TENM2: variants seen among roughly 807,000 people sequenced by gnomAD.
TENM2 encodes the protein teneurin-2.
Under a neutral mutation model 245.2 loss-of-function variants are expected in TENM2, and 52 were observed. The observed-to-expected ratio is 0.21, with a 90% confidence interval of 0.17 to 0.27. The LOEUF is 0.27. Ranked by LOEUF, TENM2 falls within the 10% of genes least tolerant of loss-of-function variation. TENM2 has a pLI of 1.00. For missense variants in TENM2, 3,046 were observed against 3,666.8 expected (o/e 0.83, Z 4.37); for synonymous variants, 1,363 against 1,438.9 (o/e 0.95, Z 1.19).
chr5:167,683,247 G>GACTT (rs1756853433), intron 2 of TENM2, among the ~76,000 whole-genome samples: 1 of 117,780 alleles, frequency 8.5e-6, no homozygotes, highest in African/African-American at 4.3e-5. Flanking sequence ...GAAGGACCAT[G>GACTT]TCTTTTTTTT....
chr5:168,256,658 C>T (rs1041341117), intron 27 of TENM2, among the ~76,000 whole-genome samples: 4 of 152,038 alleles, frequency 2.6e-5, no homozygotes, highest in African/African-American at 9.7e-5. Flanking sequence ...CTCCTGACCG[C>T]AGGTGATCCA....
intron 12 of TENM2, among the ~76,000 whole-genome samples, chr5:168,155,421 ATTAAG>A (rs1757071913): frequency 6.6e-6 from 1 of 150,924 alleles, no homozygotes; most frequent in African/African-American, 2.4e-5. Context: ...GGGGTCCATA[ATTAAG>A]TTAATATTCA....
chr5:168,053,244 C>T (rs915395652), intron 6 of TENM2, among the ~76,000 whole-genome samples: 2 of 152,206 alleles, frequency 1.3e-5, no homozygotes, highest in African/African-American at 4.8e-5. Flanking sequence ...ATGGGTACTA[C>T]TTACATGCAC....
intron 4 of TENM2, among the ~76,000 whole-genome samples, chr5:167,982,610 A>G (rs557886832): frequency 1.8e-4 from 27 of 152,164 alleles, no homozygotes; most frequent in African/African-American, 6.5e-4. Context: ...AGGACCAGGG[A>G]GAATACCTAG....
chr5:167,652,072 C>G lies in TENM2; in HGVS notation c.503-223914C>G, dbSNP rs149387805. 9.2e-5 allele frequency among the ~76,000 whole-genome samples: 14 copies of G among 152,218 alleles called. No homozygotes were observed. The East Asian group carries it at 1.7e-3, about 19-fold the overall frequency. ...TTTCTCTTTCCCTTGCTATCTTATG[C>G]TCTTCTTTTCAGTTCTTAATGGTAG... On this transcript the variant is annotated intron_variant, in intron 2 of 28. Coordinates refer to ENST00000518659, the Ensembl canonical transcript of TENM2.
intron 2 of TENM2, among the ~76,000 whole-genome samples, chr5:167,532,757 CAT>C (rs752172106): frequency 5.3e-5 from 8 of 150,004 alleles, no homozygotes; most frequent in African/African-American, 1.7e-4. Context: ...TATATACACA[CAT>C]ATGTGTATAT....
intron 5 of TENM2, among the ~76,000 whole-genome samples, chr5:168,039,749 T>C (rs941555710): frequency 2.0e-5 from 3 of 152,056 alleles, no homozygotes; most frequent in African/African-American, 2.4e-5. Flanking sequence ...TGTGAGCACA[T>C]GTGTCTTTCT....
At chr5:167,226,851 TC>T in the TENM2 span, among the ~76,000 whole-genome samples, 1 of 152,000 alleles carries the variant, frequency 6.6e-6, no homozygotes, top group Admixed American at 6.6e-5. Context: ...GTTTTATGAA[TC>T]TGGGTGCTCC....
At chr5:167,069,029 G>T in the TENM2 span, among the ~76,000 whole-genome samples, 1 of 151,898 alleles carries the variant, frequency 6.6e-6, no homozygotes, top group African/African-American at 2.4e-5. Context: ...TCATATGCTC[G>T]TATTTTTATG....
In TENM2 at chr5:167,708,311, T is replaced by C. The variant is rs138304033; in HGVS notation, c.503-167675T>C. Among the ~76,000 whole-genome samples the C allele has an allele frequency of 3.5e-3, 527 of 152,252 alleles. 4 individuals are homozygous for C. Among genetic ancestry groups the C allele is most frequent in the African/African-American group, 0.012 (484 of 41,544 alleles). On this transcript the variant is annotated intron_variant, in intron 2 of 28. Coordinates refer to ENST00000518659, the Ensembl canonical transcript of TENM2. ...ACCTTTTAGATACAAATATACTGTA[T>C]TATCAAAATCATATATGCACTTTTA...
intron 2 of TENM2, among the ~76,000 whole-genome samples, chr5:167,682,721 G>A (rs971852872): frequency 1.3e-5 from 2 of 151,972 alleles, no homozygotes; most frequent in East Asian, 3.9e-4. Flanking sequence ...CTCCTGCTGC[G>A]TGGCTTGGTT....
chr5:167,529,793 T>C (rs939689186), intron 2 of TENM2, among the ~76,000 whole-genome samples: 7 of 152,172 alleles, frequency 4.6e-5, no homozygotes, highest in Admixed American at 3.3e-4. Context: ...CTTGTGATGA[T>C]AGAAAACACA....
At chr5:167,328,353 C>T (rs560646635) in intron 1 of TENM2, among the ~76,000 whole-genome samples, 5 of 151,896 alleles carry the variant, frequency 3.3e-5, no homozygotes, top group South Asian at 2.1e-4. Flanking sequence ...ACTACAGGCA[C>T]GCACCACCAT....
the TENM2 span, among the ~76,000 whole-genome samples, chr5:167,172,648 A>G: frequency 1.4e-5 from 2 of 142,498 alleles, no homozygotes; most frequent in African/African-American, 5.3e-5. Flanking sequence ...TTCTAGAGAC[A>G]GGGTCTCACT....
intron 2 of TENM2, among the ~76,000 whole-genome samples, chr5:167,606,611 G>A (rs1777069198): frequency 6.6e-6 from 1 of 152,068 alleles, no homozygotes; most frequent in Admixed American, 6.6e-5. Context: ...GTAATGCTAA[G>A]AGGGTAGTTC....
At chr5:167,659,291 C>G (rs373092513) in intron 2 of TENM2, among the ~76,000 whole-genome samples, 3 of 152,156 alleles carry the variant, frequency 2.0e-5, no homozygotes, top group Non-Finnish European at 2.9e-5. Flanking sequence ...GTATTGAACT[C>G]CTATTATAAG....
At chr5:167,722,801 CAAA>C (rs1188115745) in intron 2 of TENM2, among the ~76,000 whole-genome samples, 2 of 150,424 alleles carry the variant, frequency 1.3e-5, no homozygotes, top group Non-Finnish European at 3.0e-5. Context: ...ACAAAACAAA[CAAA>C]AAAAAACAAC....
exon 17 of TENM2, chr5:168,199,914 T>C: frequency 6.2e-7 from 1 of 1,614,018 alleles, no homozygotes; most frequent in African/African-American, 1.3e-5. Context: ...AACTTCGCTA[T>C]CTGAGCTCTA....
chr5:167,848,791 A>G (rs1214204930), intron 2 of TENM2, among the ~76,000 whole-genome samples: 1 of 152,184 alleles, frequency 6.6e-6, no homozygotes, highest in Non-Finnish European at 1.5e-5. Flanking sequence ...GGTTTCCTTG[A>G]TGAAAAATTT....
Sources: gnomAD v4.1 joint callset for allele counts (sites outside exome capture counted in the v4.1 genomes callset) on GRCh38, gnomAD v4.1.1 for gene constraint, MANE v1.5 for transcripts, NCBI Gene and HGNC (gene_info 2026-07-23, HGNC 2026-07-21) for gene names.